Variants in PLPPR1 observed in about 807,000 individuals in gnomAD.
The protein encoded by PLPPR1 is phospholipid phosphatase-related protein type 1.
A neutral mutation model predicts 33.1 loss-of-function variants in PLPPR1; 10 were observed. That is an observed-to-expected ratio of 0.30 (90% CI 0.19 to 0.51). PLPPR1 has a LOEUF of 0.51. Among genes scored for constraint, PLPPR1 ranks in the 20% least tolerant of loss-of-function variants. The pLI, the probability that PLPPR1 is intolerant of heterozygous loss-of-function variation, is 0.97. For missense variants in PLPPR1, 304 were observed against 408.1 expected (o/e 0.74, Z 2.20); for synonymous variants, 151 against 151.0 (o/e 1.00, Z 0.00).
chr9:101,159,029 A>T (rs1007623813), intron 1 of PLPPR1, among the ~76,000 whole-genome samples: 1 of 152,198 alleles, frequency 6.6e-6, no homozygotes, highest in Non-Finnish European at 1.5e-5. Flanking sequence ...AGAGTCAAAC[A>T]TGTTTAATTA....
chr9:101,154,469 T>C (rs973413158), intron 1 of PLPPR1, among the ~76,000 whole-genome samples: 12 of 152,230 alleles, frequency 7.9e-5, no homozygotes, highest in African/African-American at 2.9e-4. Flanking sequence ...TTTATCCATT[T>C]CATCTAGATT....
chr9:101,097,958 TAG>T (rs1830842119), intron 1 of PLPPR1, among the ~76,000 whole-genome samples: 1 of 152,178 alleles, frequency 6.6e-6, no homozygotes, highest in Non-Finnish European at 1.5e-5. Flanking sequence ...AGAATGAGAC[TAG>T]AGTGTTCATG....
intron 1 of PLPPR1, among the ~76,000 whole-genome samples, chr9:101,108,080 C>T (rs1831000309): frequency 6.8e-6 from 1 of 146,844 alleles, no homozygotes; most frequent in Admixed American, 6.7e-5. Flanking sequence ...CCCGGTACCT[C>T]AGATGGAAAT....
At chr9:101,137,473 C>T (rs1159661839) in intron 1 of PLPPR1, among the ~76,000 whole-genome samples, 5 of 152,162 alleles carry the variant, frequency 3.3e-5, no homozygotes, top group African/African-American at 1.2e-4. Flanking sequence ...ACTGATAGCC[C>T]ATACTTTGCC....
intron 1 of PLPPR1, among the ~76,000 whole-genome samples, 188 bp downstream of exon 1, chr9:101,029,290 C>G (rs1190233072): frequency 6.6e-6 from 1 of 152,224 alleles, no homozygotes; most frequent in East Asian, 1.9e-4. Flanking sequence ...GGAGGGTCGC[C>G]TCCTGCGAGG....
intron 2 of PLPPR1, among the ~76,000 whole-genome samples, chr9:101,246,685 A>G (rs1276458874): frequency 6.6e-6 from 1 of 152,084 alleles, no homozygotes; most frequent in Admixed American, 6.6e-5. Flanking sequence ...CATTGCCGTA[A>G]TACCAGTGTG....
chr9:101,202,423 G>C (rs148955237), intron 2 of PLPPR1, among the ~76,000 whole-genome samples: 42 of 152,250 alleles, frequency 2.8e-4, no homozygotes, highest in African/African-American at 1.0e-3. Flanking sequence ...TAGAAGTCTA[G>C]TTATCCCTCC....
chr9:101,316,523 G>C (rs1193031415), intron 6 of PLPPR1, among the ~76,000 whole-genome samples: 1 of 151,220 alleles, frequency 6.6e-6, no homozygotes, highest in Non-Finnish European at 1.5e-5. Flanking sequence ...TGTGCTACAG[G>C]GTTTGAAGAG....
intron 1 of PLPPR1, among the ~76,000 whole-genome samples, chr9:101,162,231 T>G (rs1480386324): frequency 6.6e-6 from 1 of 152,192 alleles, no homozygotes; most frequent in Non-Finnish European, 1.5e-5. Flanking sequence ...CAATTTTCAC[T>G]TTTCAGCCAG....
chr9:101,147,314 G>A (rs1450557452), intron 1 of PLPPR1, among the ~76,000 whole-genome samples: 5 of 152,022 alleles, frequency 3.3e-5, no homozygotes, highest in Non-Finnish European at 7.4e-5. Flanking sequence ...CTTTGGGTGG[G>A]TTTTACAAAA....
At chr9:101,101,097 A>G (rs1446603001) in intron 1 of PLPPR1, among the ~76,000 whole-genome samples, 1 of 152,014 alleles carries the variant, frequency 6.6e-6, no homozygotes, top group East Asian at 1.9e-4. Flanking sequence ...TTATTATAGC[A>G]TTTGCTCTGT....
At chr9:101,084,878 A>G (rs781028183) in intron 1 of PLPPR1, among the ~76,000 whole-genome samples, 4 of 152,166 alleles carry the variant, frequency 2.6e-5, no homozygotes, top group African/African-American at 9.7e-5. Flanking sequence ...CAGAGAATGC[A>G]TGTCCCACCT....
intron 4 of PLPPR1, among the ~76,000 whole-genome samples, chr9:101,293,761 C>G (rs1226151798): frequency 1.6e-4 from 25 of 152,058 alleles, no homozygotes; most frequent in Admixed American, 1.4e-3. Flanking sequence ...CCAACGAGAA[C>G]AAAGACACAA....
At chr9:101,230,677 G>C (rs1235951780) in intron 2 of PLPPR1, among the ~76,000 whole-genome samples, 1 of 151,714 alleles carries the variant, frequency 6.6e-6, no homozygotes, top group African/African-American at 2.4e-5. Flanking sequence ...AAGTAATGAG[G>C]GACTATTTTG....
At position 101,196,745 on chromosome 9, in the gene PLPPR1, G is replaced by C. The variant is rs187648626; in HGVS notation, c.63+11188G>C. Reference sequence around the variant, plus strand: ...CTGGGCGTGGTGGCGGGTGCCTGTAGTCCCAGCTACTTGGGAGGCTGAGGC... The same window carrying C: ...CTGGGCGTGGTGGCGGGTGCCTGTACTCCCAGCTACTTGGGAGGCTGAGGC... On this transcript the variant is annotated intron_variant, in intron 2 of 7. Transcript: ENST00000374874. Among the ~76,000 whole-genome samples, 529 of 152,098 alleles carry C rather than the reference G, an allele frequency of 3.5e-3. 4 individuals carry two copies. The highest frequency in any genetic ancestry group is 6.8e-3 in the Non-Finnish European group (461 of 67,998).
At chr9:101,153,208 G>A (rs1831618705) in intron 1 of PLPPR1, among the ~76,000 whole-genome samples, 1 of 152,148 alleles carries the variant, frequency 6.6e-6, no homozygotes, top group African/African-American at 2.4e-5. Context: ...TCTGTTACTG[G>A]TGTGTAAGAA....
chr9:101,236,173 C>T (rs1827294750), intron 2 of PLPPR1, among the ~76,000 whole-genome samples: 1 of 151,632 alleles, frequency 6.6e-6, no homozygotes, highest in Admixed American at 6.6e-5. Flanking sequence ...GCTTGGTTTT[C>T]CCTAGCAATA....
chr9:101,187,694 G>A (rs1276950411), intron 2 of PLPPR1: 1 of 151,706 alleles, frequency 6.6e-6, no homozygotes, highest in Non-Finnish European at 1.5e-5. Context: ...ACAAAACTTG[G>A]TAAAAAATGT....
At chr9:101,125,178 AT>A (rs1831229237) in intron 1 of PLPPR1, among the ~76,000 whole-genome samples, 1 of 151,994 alleles carries the variant, frequency 6.6e-6, no homozygotes, top group Admixed American at 6.6e-5. Flanking sequence ...CTGACCTTAT[AT>A]TGCTAGTCTT....
Sources: gnomAD v4.1 joint callset for allele counts (sites outside exome capture counted in the v4.1 genomes callset) on GRCh38, gnomAD v4.1.1 for gene constraint, MANE v1.5 for transcripts, NCBI Gene and HGNC (gene_info 2026-07-23, HGNC 2026-07-21) for gene names.